ABCC4: variants seen among roughly 807,000 people sequenced by gnomAD.
ABCC4 encodes the protein ATP binding cassette subfamily C member 4 (PEL blood group).
In ABCC4, 102 loss-of-function variants were observed where a neutral mutation model predicts 168.5. The ratio of observed to expected loss-of-function variants is 0.61; its 90% CI spans 0.52 to 0.71. The LOEUF is 0.71. Ranked by LOEUF, ABCC4 falls within the 30% of genes least tolerant of loss-of-function variation. ABCC4 has a pLI of 0.00. For missense variants in ABCC4, 1,402 were observed against 1,605.8 expected, an observed-to-expected ratio of 0.87 and a Z score of 2.17; for synonymous variants, 617 against 590.7, an observed-to-expected ratio of 1.04 and a Z score of -0.65.
chr13:95,185,333 A>C (rs535516809), intron 11 of ABCC4, among the ~76,000 whole-genome samples: 1 of 152,242 alleles, frequency 6.6e-6, no homozygotes, highest in Non-Finnish European at 1.5e-5. Context: ...AGTGTATACT[A>C]TTCAATAAAA....
At chr13:95,200,263 A>G (rs2038585738) in intron 8 of ABCC4, among the ~76,000 whole-genome samples, 1 of 152,176 alleles carries the variant, frequency 6.6e-6, no homozygotes, top group Admixed American at 6.5e-5. Flanking sequence ...AGCATAGACC[A>G]AAACAGGTGT....
At chr13:95,207,690 T>A in intron 7 of ABCC4, 110 bp downstream of exon 7, 2 of 1,177,016 alleles carry the variant, frequency 1.7e-6, no homozygotes, top group Non-Finnish European at 2.4e-6. Flanking sequence ...CTGGGATGGA[T>A]TGTACTGAAC....
At chr13:95,022,766 G>A (rs2031166056) in intron 30 of ABCC4, among the ~76,000 whole-genome samples, 1 of 152,170 alleles carries the variant, frequency 6.6e-6, no homozygotes, top group South Asian at 2.1e-4. Context: ...GTTATCACTG[G>A]AGATAATGGG....
intron 19 of ABCC4, among the ~76,000 whole-genome samples, chr13:95,134,372 G>A (rs184207929): frequency 2.6e-5 from 4 of 152,274 alleles, no homozygotes; most frequent in African/African-American, 9.6e-5. Context: ...GGAGAAGGGC[G>A]AGTCTTGAGT....
At chr13:95,123,256 A>C (rs2035639214) in intron 19 of ABCC4, among the ~76,000 whole-genome samples, 1 of 152,206 alleles carries the variant, frequency 6.6e-6, no homozygotes, top group South Asian at 2.1e-4. Flanking sequence ...CTGCTCACCC[A>C]TCAGGTAAGA....
chr13:95,194,221 C>T (rs1034529657), intron 9 of ABCC4, among the ~76,000 whole-genome samples: 51 of 152,200 alleles, frequency 3.4e-4, no homozygotes, highest in African/African-American at 1.0e-3. Flanking sequence ...GTGGCCTTGC[C>T]AGAACTACCT....
At chr13:95,135,673 A>G (rs1216084689) in intron 19 of ABCC4, among the ~76,000 whole-genome samples, 1 of 152,122 alleles carries the variant, frequency 6.6e-6, no homozygotes, top group East Asian at 1.9e-4. Flanking sequence ...CTCTGCCTCC[A>G]GAAGTGCTGG....
chr13:95,190,077 G>T (rs2038206424), intron 9 of ABCC4, among the ~76,000 whole-genome samples: 1 of 152,076 alleles, frequency 6.6e-6, no homozygotes, highest in Admixed American at 6.6e-5. Flanking sequence ...GTACGGACTG[G>T]TTCATGCCTG....
At chr13:95,075,249 C>G in intron 22 of ABCC4, 183 bp downstream of exon 22, 2 of 709,576 alleles carry the variant, frequency 2.8e-6, no homozygotes, top group Middle Eastern at 7.3e-4. Context: ...CGTGCAGCAG[C>G]GATTCCGAGA....
rs139419274 is a variant in ABCC4 at position 95,046,754 on chromosome 13, C to T, written c.3457-2316G>A. 8.1e-3 allele frequency among the ~76,000 whole-genome samples: 1,223 copies of T among 151,556 alleles called. 45 individuals carry two copies. Among genetic ancestry groups the T allele is most frequent in the Admixed American group, 0.072 (1,097 of 15,256 alleles). Reference sequence around the variant, plus strand: ...CTCTAGCCTGAGTGACAGAGTAAGACTCTGTCTCAATTAAAAAAAAAAGAT... The same window carrying T: ...CTCTAGCCTGAGTGACAGAGTAAGATTCTGTCTCAATTAAAAAAAAAAGAT... On this transcript the variant is annotated intron_variant, in intron 27 of 30. Transcript: ENST00000645237.
rs138241964 is a variant in ABCC4 at position 95,074,338 on chromosome 13, C to T, written c.2807-14G>A. The T allele has an allele frequency of 2.7e-4, 427 of 1,584,108 alleles. No individual in the cohort carries two copies. Among genetic ancestry groups the T allele is most frequent in the African/African-American group, 4.9e-4 (36 of 74,196 alleles). ...AGAACCAAGCCTCTGAATTTGAGAA[C>T]GGTAATAAGCATGATGAATAAGTAG... is the stretch of plus-strand genomic sequence containing the variant. On this transcript the variant is annotated splice_polypyrimidine_tract_variant and intron_variant, in intron 22 of 30. Transcript: ENST00000645237.
intron 30 of ABCC4, among the ~76,000 whole-genome samples, chr13:95,025,272 C>A (rs2031411139): frequency 4.3e-5 from 2 of 46,464 alleles, no homozygotes; most frequent in Non-Finnish European, 7.9e-5. Flanking sequence ...CCCCCACACC[C>A]CCACACACAC....
chr13:95,137,674 A>C lies in ABCC4; in HGVS notation c.2456-21673T>G, dbSNP rs535420234. ...TCCCTCATTCGAAAGATGGGGGGGAACTCCAATTTGCACGGGTTCTTCAGG... is the reference window on the plus strand; with the variant it reads ...TCCCTCATTCGAAAGATGGGGGGGACCTCCAATTTGCACGGGTTCTTCAGG... On this transcript the variant is annotated intron_variant, in intron 19 of 30. Coordinates refer to ENST00000645237, the MANE Select transcript of ABCC4 (RefSeq NM_005845.5). Among the ~76,000 whole-genome samples, 261 of 152,228 alleles carry C rather than the reference A, an allele frequency of 1.7e-3. 1 individual carries two copies. Among genetic ancestry groups the C allele is most frequent in the African/African-American group, 5.7e-3 (238 of 41,544 alleles).
At chr13:95,278,848 A>G (rs181218215) in intron 1 of ABCC4, among the ~76,000 whole-genome samples, 1 of 150,490 alleles carries the variant, frequency 6.6e-6, no homozygotes, top group East Asian at 2.0e-4. Flanking sequence ...GACTGACAAC[A>G]ACTCAATGAA....
Position 95,166,145 on chromosome 13 carries a change from G to C in ABCC4, c.2034+13C>G. On this transcript the variant is annotated intron_variant, in intron 15 of 30. Coordinates refer to ENST00000645237, the MANE Select transcript of ABCC4 (RefSeq NM_005845.5). The stretch of plus-strand genomic sequence containing the variant: ...ACAAAACCAGGCCATGTTGTAACAG[G>C]AGGTGAACTCACATCTTGGCTCTCC... The C allele has an allele frequency of 6.2e-7, 1 of 1,607,562 alleles. No individual in the cohort carries two copies. The highest frequency in any genetic ancestry group is 8.5e-7 in the Non-Finnish European group (1 of 1,174,072).
At chr13:95,160,149 T>C (rs148008206) in intron 19 of ABCC4, among the ~76,000 whole-genome samples, 12 of 152,316 alleles carry the variant, frequency 7.9e-5, no homozygotes, top group Middle Eastern at 3.4e-3. Context: ...AGCACCAGGA[T>C]TGAACCCAGG....
chr13:95,054,952 A>C (rs2032999956), intron 26 of ABCC4, among the ~76,000 whole-genome samples: 1 of 152,210 alleles, frequency 6.6e-6, no homozygotes, highest in African/African-American at 2.4e-5. Flanking sequence ...GCCACCAAAA[A>C]CATAAGTCCT....
At chr13:95,273,800 GTT>G (rs10573889) in intron 1 of ABCC4, among the ~76,000 whole-genome samples, 8,291 of 127,070 alleles carry the variant, frequency 0.065, 776 homozygotes, top group African/African-American at 0.21. Flanking sequence ...GATCTGATGG[GTT>G]TTTTTTTTGG....
Position 95,168,768 on chromosome 13 carries a change from G to A in ABCC4, c.1824+1764C>T, listed in dbSNP as rs916010646. ...CCAAGGAGTGCTGCATGAAACCACC[G>A]CTGGGCTGAGAAGTTCTCACTAACC... On this transcript the variant is annotated intron_variant, in intron 14 of 30. Transcript: ENST00000645237. Among the ~76,000 whole-genome samples, 11 of 152,278 alleles carry A rather than the reference G, an allele frequency of 7.2e-5. No individual in the cohort carries two copies. The Middle Eastern group carries it at 0.024, about 330-fold the overall frequency.
Sources: gnomAD v4.1 joint callset for allele counts (sites outside exome capture counted in the v4.1 genomes callset) on GRCh38, gnomAD v4.1.1 for gene constraint, MANE v1.5 for transcripts, NCBI Gene and HGNC (gene_info 2026-07-23, HGNC 2026-07-21) for gene names.